STAMBP: variants seen among roughly 807,000 people sequenced by gnomAD.
The protein encoded by STAMBP is STAM binding protein.
Under a neutral mutation model 50.7 loss-of-function variants are expected in STAMBP, and 31 were observed. The observed-to-expected ratio is 0.61, with a 90% CI of 0.46 to 0.83. The LOEUF (loss-of-function observed/expected upper bound fraction) is 0.83. Ranked by LOEUF, STAMBP falls within the 40% of genes least tolerant of loss-of-function variation. The pLI, the probability that STAMBP is intolerant of heterozygous loss-of-function variation, is 0.00. For missense variants in STAMBP, 472 were observed against 518.9 expected (o/e 0.91, Z 0.88); for synonymous variants, 211 against 192.4 (o/e 1.10, Z -0.80).
intron 9 of STAMBP, among the ~76,000 whole-genome samples, chr2:73,860,873 C>G (rs1249637180): frequency 6.6e-6 from 1 of 152,038 alleles, no homozygotes; most frequent in South Asian, 2.1e-4. Context: ...AGAAGAGAAA[C>G]CCCAGGAAGG....
chr2:73,832,461 A>AG (rs1230169238), intron 2 of STAMBP, among the ~76,000 whole-genome samples: 6 of 121,318 alleles, frequency 4.9e-5, no homozygotes, highest in Non-Finnish European at 4.9e-5. Flanking sequence ...AGACTGTTTC[A>AG]AAAAAAAAAA....
rs1678156863 is a variant in STAMBP at position 73,860,124 on chromosome 2, A to G, written c.1191A>G (p.Pro397=). ...CCTGTCGCCAGAAAGGATTTCATCCACACAGCAAGGATCCACCTCTGTTCT... is the reference window on the plus strand; with the variant it reads ...CCTGTCGCCAGAAAGGATTTCATCCGCACAGCAAGGATCCACCTCTGTTCT... ...ISSCRQKGFH[P]HSKDPPLFCS... is the part of the protein sequence containing the mutation. Residue 397 remains proline (P), a synonymous_variant, in exon 9 of 10, where the codon CCA becomes CCG. Coordinates refer to ENST00000394070, the MANE Select transcript of STAMBP (RefSeq NM_213622.4). The G allele has an allele frequency of 6.2e-7, 1 of 1,614,030 alleles. No homozygotes were observed. Among genetic ancestry groups the G allele is most frequent in the Non-Finnish European group, 8.5e-7 (1 of 1,179,964 alleles).
chr2:73,837,584 CAAAAAAAAAAAAAAA>C (rs56397494), intron 2 of STAMBP, among the ~76,000 whole-genome samples: 2 of 40,884 alleles, frequency 4.9e-5, no homozygotes, highest in African/African-American at 8.0e-5. Flanking sequence ...GACTCCATCT[CAAAAAAAAAAAAAAA>C]AAAAAAAAAA....
chr2:73,852,702 C>T lies in STAMBP; in HGVS notation c.1005+2189C>T, dbSNP rs189222426. ...CTTTTGTTTTGTTTTGTTTTTGAGA[C>T]GGAGTCTCACACTGTCGCCCAGGTT... On this transcript the variant is annotated intron_variant, in intron 7 of 9. Coordinates refer to ENST00000394070, the MANE Select transcript of STAMBP (RefSeq NM_213622.4). 8.3e-3 allele frequency among the ~76,000 whole-genome samples: 1,268 copies of T among 152,226 alleles called. 8 individuals are homozygous for T. The highest frequency in any genetic ancestry group is 0.012 in the Non-Finnish European group (831 of 68,004).
downstream of STAMBP, among the ~76,000 whole-genome samples, chr2:73,870,799 C>T (rs1460085153): frequency 3.9e-5 from 6 of 152,312 alleles, no homozygotes; most frequent in African/African-American, 1.4e-4. Context: ...TCCATGCCAC[C>T]TGCAGCACCA....
intron 7 of STAMBP, among the ~76,000 whole-genome samples, chr2:73,853,265 C>T: frequency 6.6e-6 from 1 of 152,010 alleles, no homozygotes; most frequent in East Asian, 1.9e-4. Context: ...TATACACTAC[C>T]ATTTTGAGCA....
chr2:73,832,592 A>C, intron 2 of STAMBP, among the ~76,000 whole-genome samples: 1 of 152,024 alleles, frequency 6.6e-6, no homozygotes. Flanking sequence ...TACCAGTTTT[A>C]TCACATTAAG....
At chr2:73,848,219 T>C (rs539116773) in intron 5 of STAMBP, among the ~76,000 whole-genome samples, 1 of 152,158 alleles carries the variant, frequency 6.6e-6, no homozygotes, top group Non-Finnish European at 1.5e-5. Flanking sequence ...TAACTTTAGC[T>C]TGCTGGCTGT....
chr2:73,832,649 C>G (rs1674115564), intron 2 of STAMBP, among the ~76,000 whole-genome samples: 1 of 152,146 alleles, frequency 6.6e-6, no homozygotes, highest in African/African-American at 2.4e-5. Flanking sequence ...AACTTTGGCC[C>G]TATTGACCTT....
At chr2:73,868,673 C>G (rs557428510), downstream of STAMBP, among the ~76,000 whole-genome samples, 133 of 152,124 alleles carry the variant, frequency 8.7e-4, no homozygotes, top group Middle Eastern at 3.4e-3. Context: ...CACTTAAGCC[C>G]AGGGATTCGA....
intron 7 of STAMBP, among the ~76,000 whole-genome samples, chr2:73,853,282 C>T (rs1203733175): frequency 6.6e-6 from 1 of 151,996 alleles, no homozygotes; most frequent in Non-Finnish European, 1.5e-5. Context: ...AGCAACTTAG[C>T]TCTAGAGGAA....
At chr2:73,870,544 CT>C (rs1679161395), downstream of STAMBP, among the ~76,000 whole-genome samples, 1 of 152,154 alleles carries the variant, frequency 6.6e-6, no homozygotes. Flanking sequence ...TTATTTCTGT[CT>C]TTTTTTCTGG....
In STAMBP at chr2:73,860,174, A is replaced by G. The variant is rs535395792; in HGVS notation, c.1218+23A>G. 14 of 1,589,288 alleles carry G rather than the reference A, an allele frequency of 8.8e-6. No individual in the cohort carries two copies. The East Asian group carries it at 2.7e-4, about 31-fold the overall frequency. On this transcript the variant is annotated intron_variant, in intron 9 of 9. Transcript: ENST00000394070. ...TGTGTACGTATCTATGTAAAAGAAA[A>G]TGGGGCTATGCTTCAAGCAGGGAGG...
chr2:73,853,880 C>T (rs1432297484), intron 7 of STAMBP, among the ~76,000 whole-genome samples: 1 of 152,222 alleles, frequency 6.6e-6, no homozygotes, highest in African/African-American at 2.4e-5. Flanking sequence ...TTCACCACTT[C>T]AATGTGTATC....
At chr2:73,846,380 C>A (rs556978671) in intron 4 of STAMBP, among the ~76,000 whole-genome samples, 2 of 151,960 alleles carry the variant, frequency 1.3e-5, no homozygotes, top group African/African-American at 4.8e-5. Flanking sequence ...AGTGGGTGAT[C>A]GCTTGAGCCC....
downstream of STAMBP, among the ~76,000 whole-genome samples, chr2:73,871,313 G>A (rs1282513564): frequency 6.6e-6 from 1 of 151,950 alleles, no homozygotes; most frequent in Non-Finnish European, 1.5e-5. Flanking sequence ...GGAGGCTGAG[G>A]TGGGTGGATC....
At chr2:73,872,027 C>T (rs1010973291), downstream of STAMBP, among the ~76,000 whole-genome samples, 5 of 152,106 alleles carry the variant, frequency 3.3e-5, no homozygotes. Context: ...CCCGCCTAGA[C>T]CTCCCAAAGT....
At position 73,831,008 on chromosome 2, in the gene STAMBP, C is replaced by T. The variant is rs902040842; in HGVS notation, c.152C>T (p.Ser51Phe). 4 of 1,614,088 alleles carry T rather than the reference C, an allele frequency of 2.5e-6. No homozygotes were observed. The African/African-American group carries it at 5.3e-5, about 22-fold the overall frequency. The change falls in exon 2 of 10, where the codon TCT (serine) becomes TTT (phenylalanine). Residue 51 changes from serine to phenylalanine, a missense_variant. Transcript: ENST00000394070. ...ATTATCCGAATGGCATCCATTTACT[C>T]TGAGGAAGGCAACATTGAACATGCC... ...VEIIRMASIY[S>F]EEGNIEHAFI...
At chr2:73,837,584 CAAAAAAAAAAAA>C (rs56397494) in intron 2 of STAMBP, among the ~76,000 whole-genome samples, 10 of 40,912 alleles carry the variant, frequency 2.4e-4, no homozygotes, top group Admixed American at 1.4e-3. Flanking sequence ...GACTCCATCT[CAAAAAAAAAAAA>C]AAAAAAAAAA....
Sources: allele counts gnomAD v4.1 joint callset (sites outside exome capture counted in the v4.1 genomes callset), GRCh38; gene constraint gnomAD v4.1.1; transcripts MANE v1.5; gene names NCBI Gene and HGNC (gene_info 2026-07-23, HGNC 2026-07-21).